The following GPR157 variants were observed in gnomAD, a reference collection of about 807,000 sequenced individuals.
GPR157 encodes G-protein coupled receptor 157.
GPR157 carries 16 observed loss-of-function variants against 23.5 expected under a neutral mutation model. The observed-to-expected ratio is 0.68, with a 90% CI of 0.46 to 1.04. The LOEUF is 1.04. GPR157 is among the 50% of genes least tolerant of loss of function. GPR157 has a pLI of 0.00. For missense variants in GPR157, 440 were observed against 460.7 expected (o/e 0.96, Z 0.41); for synonymous variants, 200 against 221.5 (o/e 0.90, Z 0.86).
chr1:9,101,629 G>GT lies in GPR157; in HGVS notation c.*2789dup, dbSNP rs1642568309. ...ATACCTGATGTATAACTTTTTGGAGGTTTTTACAAAAGCAGATACAGTGGC... is the reference window on the plus strand; with the variant it reads ...ATACCTGATGTATAACTTTTTGGAGGTTTTTTACAAAAGCAGATACAGTGGC... On this transcript the variant is annotated 3_prime_UTR_variant, in exon 4 of 4. Coordinates refer to ENST00000377411, the MANE Select transcript of GPR157 (RefSeq NM_024980.5). 1 of 152,190 alleles carries GT rather than the reference G, an allele frequency of 6.6e-6. No homozygotes were observed. The highest frequency in any genetic ancestry group is 2.4e-5 in the African/African-American group (1 of 41,442). The allele number at this position is 152,190 out of a possible 1,614,324, so 9.4% of individuals were successfully genotyped here.
intron 1 of GPR157, among the ~76,000 whole-genome samples, chr1:9,112,178 C>T (rs1638523211): frequency 6.6e-6 from 1 of 152,222 alleles, no homozygotes; most frequent in Non-Finnish European, 1.5e-5. Context: ...CCTGTCCATG[C>T]TCGTGCAAAT....
chr1:9,128,570 C>T lies in GPR157; in HGVS notation c.383+75G>A. 1 of 1,421,844 alleles carries T rather than the reference C, an allele frequency of 7.0e-7. No homozygotes were observed. The highest frequency in any genetic ancestry group is 1.4e-5 in the African/African-American group (1 of 71,348). 88.1% of individuals were successfully genotyped at this position (1,421,844 alleles called of 1,614,324 possible). ...TAGGGGGTGTCCAACCTAGACGCGG[C>T]CTCTGGGAGGGCAAGACCGGGAGGG... On this transcript the variant is annotated intron_variant, in intron 1 of 3. Transcript: ENST00000377411. This position sits in a 1 kb window ranked among gnomAD's most constrained non-coding sequence, Gnocchi z 6.3.
At chr1:9,106,870 AGGAGAATCGCTTGAACCTG>A (rs1481328684) in intron 2 of GPR157, among the ~76,000 whole-genome samples, 2 of 152,154 alleles carry the variant, frequency 1.3e-5, no homozygotes, top group Non-Finnish European at 2.9e-5. Context: ...AGGCTGAGGC[AGGAGAATCGCTTGAACCTG>A]GGAGATGGAG....
At chr1:9,119,528 A>G (rs969155647) in intron 1 of GPR157, among the ~76,000 whole-genome samples, 1 of 152,146 alleles carries the variant, frequency 6.6e-6, no homozygotes, top group Non-Finnish European at 1.5e-5. Flanking sequence ...TGAGAAAATA[A>G]ATTTCTGTTG....
At chr1:9,117,083 A>T (rs1317150510) in intron 1 of GPR157, among the ~76,000 whole-genome samples, 2 of 152,014 alleles carry the variant, frequency 1.3e-5, no homozygotes, top group Non-Finnish European at 2.9e-5. Flanking sequence ...TTCTCAAGTG[A>T]TCCTCCCGTC....
In GPR157 at chr1:9,107,613, C is replaced by T. The variant is rs569249694; in HGVS notation, c.598-1933G>A. Among the ~76,000 whole-genome samples the T allele has an allele frequency of 2.8e-4, 42 of 151,784 alleles. No individual in the cohort carries two copies. The South Asian group carries it at 7.7e-3, about 28-fold the overall frequency. ...CAGCCTGGCCAACATGGTGAAACCCCGACTCTACTAAAAATACAAAATTAG... is the reference window on the plus strand; with the variant it reads ...CAGCCTGGCCAACATGGTGAAACCCTGACTCTACTAAAAATACAAAATTAG... On this transcript the variant is annotated intron_variant, in intron 2 of 3. Transcript: ENST00000377411.
At position 9,109,021 on chromosome 1, in the gene GPR157, A is replaced by G. The variant is rs188914471; in HGVS notation, c.597+2255T>C. 1.8e-3 allele frequency among the ~76,000 whole-genome samples: 272 copies of G among 150,888 alleles called. 1 individual carries two copies. Among genetic ancestry groups the G allele is most frequent in the African/African-American group, 6.0e-3 (248 of 41,010 alleles). ...TCGATCTCCCGACCTCGTGATCTGCACACCTCGGCCTCCCAAAGTTCTGGG... is the reference window on the plus strand; with the variant it reads ...TCGATCTCCCGACCTCGTGATCTGCGCACCTCGGCCTCCCAAAGTTCTGGG... On this transcript the variant is annotated intron_variant, in intron 2 of 3. Coordinates refer to ENST00000377411, the MANE Select transcript of GPR157 (RefSeq NM_024980.5).
intron 1 of GPR157, among the ~76,000 whole-genome samples, chr1:9,113,956 AACAC>A (rs35650719): frequency 0.067 from 8,151 of 121,814 alleles, 294 homozygotes; most frequent in Non-Finnish European, 0.077. Context: ...AAAAAAACCA[AACAC>A]ACACACACAC....
chr1:9,111,730 T>G (rs1324981837), intron 1 of GPR157, among the ~76,000 whole-genome samples: 2 of 152,172 alleles, frequency 1.3e-5, no homozygotes, highest in African/African-American at 2.4e-5. Flanking sequence ...TCCCAGCGTG[T>G]GCCCAGCTCC....
rs560902043 is a variant in GPR157 at position 9,128,236 on chromosome 1, C to T, written c.383+409G>A. On this transcript the variant is annotated intron_variant, in intron 1 of 3. Coordinates refer to ENST00000377411, the MANE Select transcript of GPR157 (RefSeq NM_024980.5). The surrounding 1 kb of genome is among the most constrained non-coding windows in gnomAD (Gnocchi z 6.3). ...GGGTGGGGTGGTGGCGTGGGACTGGCAGTTGCCGGCTCTCCAGCCCGGGAC... is the reference window on the plus strand; with the variant it reads ...GGGTGGGGTGGTGGCGTGGGACTGGTAGTTGCCGGCTCTCCAGCCCGGGAC... The T allele has an allele frequency of 6.5e-4, 311 of 478,418 alleles. 1 individual carries two copies. The highest frequency in any genetic ancestry group is 1.1e-3 in the Non-Finnish European group (268 of 242,888). The allele number at this position is 478,418 out of a possible 1,614,324, so 29.6% of individuals were successfully genotyped here.
At position 9,113,956 on chromosome 1, in the gene GPR157, AACACACAC is replaced by A. The variant is rs35650719; in HGVS notation, c.384-2475_384-2468del. Among the ~76,000 whole-genome samples the A allele has an allele frequency of 3.6e-3, 440 of 121,888 alleles. 2 individuals are homozygous for A. Among genetic ancestry groups the A allele is most frequent in the Middle Eastern group, 0.014 (3 of 214 alleles). The allele number at this position is 121,888 out of a possible 152,430, so 80.0% of individuals were successfully genotyped here. The stretch of plus-strand genomic sequence containing the variant: ...AGACCCTGTCTCAAAAAAAAAACCA[AACACACAC>A]ACACACACACACACACACACACACA... On this transcript the variant is annotated intron_variant, in intron 1 of 3. Coordinates refer to ENST00000377411, the MANE Select transcript of GPR157 (RefSeq NM_024980.5).
chr1:9,115,532 T>TC lies in GPR157; in HGVS notation c.384-4044dup, dbSNP rs201390499. Reference sequence around the variant, plus strand: ...AGAAAACAAGACATATGTTGGTTGCTCATGTCACTGGTTGGTGACATGAGC... The same window carrying TC: ...AGAAAACAAGACATATGTTGGTTGCTCCATGTCACTGGTTGGTGACATGAGC... On this transcript the variant is annotated intron_variant, in intron 1 of 3. Coordinates refer to ENST00000377411, the MANE Select transcript of GPR157 (RefSeq NM_024980.5). 6.7e-3 allele frequency among the ~76,000 whole-genome samples: 1,017 copies of TC among 152,164 alleles called. 12 individuals are homozygous for TC. Among genetic ancestry groups the TC allele is most frequent in the Non-Finnish European group, 0.011 (770 of 68,004 alleles).
rs887918901 is a variant in GPR157 at position 9,105,127 on chromosome 1, C to T, written c.792+359G>A. ...GGGTAGCTGGGAAGTGCTGTGTACC[C>T]CAGAACCTCCCCCCATCCTCCCCGC... is the stretch of plus-strand genomic sequence containing the variant. On this transcript the variant is annotated intron_variant, in intron 3 of 3. Transcript: ENST00000377411. This position sits in a 1 kb window ranked among gnomAD's most constrained non-coding sequence, Gnocchi z 4.8. Among the ~76,000 whole-genome samples the T allele has an allele frequency of 2.6e-5, 4 of 151,774 alleles. No homozygotes were observed. The highest frequency in any genetic ancestry group is 2.1e-4 in the South Asian group (1 of 4,808).
At chr1:9,119,546 C>T (rs1258597636) in intron 1 of GPR157, among the ~76,000 whole-genome samples, 2 of 152,130 alleles carry the variant, frequency 1.3e-5, no homozygotes, top group Admixed American at 6.5e-5. Flanking sequence ...TTGTCTAAGC[C>T]CCCAGGCTGT....
chr1:9,129,075 C>A lies in GPR157; in HGVS notation c.-48G>T. The A allele has an allele frequency of 8.2e-7, 1 of 1,213,912 alleles. No homozygotes were observed. The highest frequency in any genetic ancestry group is 1.0e-6 in the Non-Finnish European group (1 of 977,286). 75.2% of individuals were successfully genotyped at this position (1,213,912 alleles called of 1,614,324 possible). ...AGCGCCGCGAGGACAGAAGCCGGGC[C>A]GCGCGTGCGGCCACGCCGCCGCCGT... On this transcript the variant is annotated 5_prime_UTR_variant, in exon 1 of 4. Coordinates refer to ENST00000377411, the MANE Select transcript of GPR157 (RefSeq NM_024980.5).
chr1:9,125,402 G>A (rs148663732), intron 1 of GPR157, among the ~76,000 whole-genome samples: 17 of 152,040 alleles, frequency 1.1e-4, no homozygotes, highest in African/African-American at 4.1e-4. Context: ...GGTGATTAGT[G>A]AGCTAATGAA....
chr1:9,115,164 G>A (rs984689085), intron 1 of GPR157, among the ~76,000 whole-genome samples: 2 of 152,260 alleles, frequency 1.3e-5, no homozygotes, highest in African/African-American at 4.8e-5. Context: ...ACAGTGGTGT[G>A]TTGGGAACAT....
At chr1:9,125,398 T>C (rs1345343517) in intron 1 of GPR157, among the ~76,000 whole-genome samples, 1 of 151,886 alleles carries the variant, frequency 6.6e-6, no homozygotes, top group Non-Finnish European at 1.5e-5. Flanking sequence ...TATTGGTGAT[T>C]AGTGAGCTAA....
Position 9,105,414 on chromosome 1 carries a change from T to C in GPR157, c.792+72A>G. 1 of 1,364,718 alleles carries C rather than the reference T, an allele frequency of 7.3e-7. No individual in the cohort carries two copies. The highest frequency in any genetic ancestry group is 2.5e-5 in the East Asian group (1 of 39,414). 84.5% of individuals were successfully genotyped at this position (1,364,718 alleles called of 1,614,324 possible). On this transcript the variant is annotated intron_variant, in intron 3 of 3. Transcript: ENST00000377411. This position sits in a 1 kb window ranked among gnomAD's most constrained non-coding sequence, Gnocchi z 4.8. The stretch of plus-strand genomic sequence containing the variant: ...GGCCGACACTGGGGTGCAGCCACTG[T>C]GCTGCGGGAAGGAATCAGGCTGTGC...
Sources: gnomAD v4.1 joint callset for allele counts (sites outside exome capture counted in the v4.1 genomes callset) on GRCh38, gnomAD v4.1.1 for gene constraint, Gnocchi (gnomAD v3.1) non-coding constraint, MANE v1.5 for transcripts, NCBI Gene and HGNC (gene_info 2026-07-23, HGNC 2026-07-21) for gene names.